MYO16: variants seen among roughly 807,000 people sequenced by gnomAD.
MYO16 encodes the protein unconventional myosin-XVI.
A neutral mutation model predicts 205.3 loss-of-function variants in MYO16; 94 were observed. The ratio of observed to expected loss-of-function variants is 0.46; its 90% CI spans 0.39 to 0.54. The LOEUF (loss-of-function observed/expected upper bound fraction) is 0.54, where lower values mean the gene tolerates loss of function less well. Ranked by LOEUF, MYO16 falls within the 20% of genes least tolerant of loss-of-function variation. The probability of loss-of-function intolerance (pLI) is 0.00; values close to 1 mark genes in which losing one functional copy is unlikely to be tolerated. For synonymous variants in MYO16, 988 were observed against 954.0 expected, an observed-to-expected ratio of 1.04 and a Z score of -0.66; for missense variants, 2,315 against 2,387.5, an observed-to-expected ratio of 0.97 and a Z score of 0.63.
intron 16 of MYO16, among the ~76,000 whole-genome samples, chr13:108,954,286 G>A (rs1424098506): frequency 6.6e-6 from 1 of 152,074 alleles, no homozygotes; most frequent in Non-Finnish European, 1.5e-5. Flanking sequence ...AATGAAAACA[G>A]GAGCCAATTG....
chr13:108,510,146 T>C, the MYO16 span, among the ~76,000 whole-genome samples: 1 of 152,202 alleles, frequency 6.6e-6, no homozygotes. Context: ...AGACAGAGTC[T>C]CGCCCTGTCG....
intron 34 of MYO16, among the ~76,000 whole-genome samples, chr13:109,198,755 CATAT>C (rs1464764097): frequency 6.6e-6 from 1 of 152,148 alleles, no homozygotes; most frequent in Non-Finnish European, 1.5e-5. Context: ...AAGACACCTG[CATAT>C]GTGACTCATA....
At chr13:109,082,435 A>G (rs531804015) in intron 27 of MYO16, among the ~76,000 whole-genome samples, 45 of 152,370 alleles carry the variant, frequency 3.0e-4, no homozygotes, top group South Asian at 1.0e-3. Context: ...AAATATAACA[A>G]TTATAAATAT....
chr13:108,781,459 T>C (rs994176055), intron 4 of MYO16, among the ~76,000 whole-genome samples: 1 of 152,198 alleles, frequency 6.6e-6, no homozygotes, highest in Non-Finnish European at 1.5e-5. Flanking sequence ...CTCTTACAGT[T>C]TGCTCTGTCT....
the MYO16 span, among the ~76,000 whole-genome samples, chr13:108,517,043 A>C: frequency 1.3e-5 from 2 of 152,080 alleles, no homozygotes; most frequent in Admixed American, 6.6e-5. Context: ...CGGTCCTCCC[A>C]CCTTACCTTC....
Position 108,973,680 on chromosome 13 carries a change from C to T in MYO16, c.2369+8778C>T, listed in dbSNP as rs1373425090. On this transcript the variant is annotated intron_variant, in intron 20 of 34. Transcript: ENST00000457511. ...TCAGAAAAGAGAAAAAAGAACACAT[C>T]CAGTAGGATGTAAATTAAAGGTGAT... is the stretch of plus-strand genomic sequence containing the variant. 3.3e-5 allele frequency among the ~76,000 whole-genome samples: 5 copies of T among 152,048 alleles called. No homozygotes were observed. In the East Asian group the frequency reaches 9.6e-4, roughly 29 times the overall value.
chr13:109,158,655 C>T (rs1158405862), intron 32 of MYO16, among the ~76,000 whole-genome samples: 2 of 152,144 alleles, frequency 1.3e-5, no homozygotes, highest in Non-Finnish European at 2.9e-5. Context: ...TGGCTAGAGG[C>T]TCTATGCCTG....
chr13:108,980,968 A>G (rs1884429519), intron 20 of MYO16, among the ~76,000 whole-genome samples: 1 of 152,212 alleles, frequency 6.6e-6, no homozygotes, highest in Non-Finnish European at 1.5e-5. Flanking sequence ...CCAGAAAATG[A>G]TGGGCTAGGG....
chr13:108,869,022 G>C (rs543023821), intron 12 of MYO16, among the ~76,000 whole-genome samples: 39 of 152,104 alleles, frequency 2.6e-4, no homozygotes, highest in East Asian at 9.7e-4. Context: ...AGTTTGATTG[G>C]TCTGTTAAAA....
chr13:109,193,730 T>C (rs1051083158), intron 34 of MYO16, among the ~76,000 whole-genome samples: 1 of 152,180 alleles, frequency 6.6e-6, no homozygotes, highest in Non-Finnish European at 1.5e-5. Context: ...ATTTTGACGC[T>C]TGTTTTCCTC....
chr13:109,023,734 T>C (rs1445175126), intron 23 of MYO16, among the ~76,000 whole-genome samples: 1 of 133,784 alleles, frequency 7.5e-6, no homozygotes, highest in African/African-American at 2.7e-5. Context: ...TATATGCATA[T>C]ATACATATAT....
the MYO16 span, among the ~76,000 whole-genome samples, chr13:108,519,105 A>G: frequency 3.9e-5 from 6 of 152,230 alleles, no homozygotes; most frequent in Non-Finnish European, 8.8e-5. Context: ...GGATATTTCC[A>G]TAATTTTAAA....
chr13:109,096,243 G>C lies in MYO16; in HGVS notation c.3336-4542G>C, dbSNP rs148535664. The stretch of plus-strand genomic sequence containing the variant: ...CTCTTGCCTCTTCCTGGTCTCTGGT[G>C]GCAGCCATAGATCCTCAGTGTTCCT... On this transcript the variant is annotated intron_variant, in intron 27 of 34. Coordinates refer to ENST00000457511, the MANE Select transcript of MYO16 (RefSeq NM_001198950.3). Among the ~76,000 whole-genome samples the C allele has an allele frequency of 1.9e-3, 295 of 152,294 alleles. 2 individuals are homozygous for C. The highest frequency in any genetic ancestry group is 6.6e-3 in the African/African-American group (273 of 41,566).
chr13:108,568,610 T>TA, the MYO16 span, among the ~76,000 whole-genome samples: 1 of 152,122 alleles, frequency 6.6e-6, no homozygotes, highest in Non-Finnish European at 1.5e-5. Context: ...GCTTTGAAAA[T>TA]ATTTTCTTCC....
intron 3 of MYO16, among the ~76,000 whole-genome samples, chr13:108,726,854 A>T (rs552756398): frequency 2.6e-5 from 4 of 152,072 alleles, no homozygotes; most frequent in African/African-American, 9.7e-5. Context: ...AAAATGCAAC[A>T]TTATAAAATC....
intron 7 of MYO16, 33 bp downstream of exon 7, chr13:108,806,837 A>C: frequency 7.4e-7 from 1 of 1,357,292 alleles, no homozygotes; most frequent in Non-Finnish European, 9.7e-7. Context: ...TTAAAAAATA[A>C]TTTTATATAA....
At chr13:109,000,827 T>C (rs1187939042) in intron 21 of MYO16, among the ~76,000 whole-genome samples, 1 of 152,106 alleles carries the variant, frequency 6.6e-6, no homozygotes, top group African/African-American at 2.4e-5. Context: ...CATATTATTA[T>C]ATAAGATTTG....
At position 108,866,865 on chromosome 13, in the gene MYO16, G is replaced by A. The variant is rs1194264427; in HGVS notation, c.1425+623G>A. 3.9e-5 allele frequency among the ~76,000 whole-genome samples: 6 copies of A among 152,162 alleles called. No individual in the cohort carries two copies. The South Asian group carries it at 8.3e-4, about 21-fold the overall frequency. On this transcript the variant is annotated intron_variant, in intron 12 of 34. Transcript: ENST00000457511. ...GCTGCCTGAAACCAGGAGGCAGGGA[G>A]TGGGTATATGTTCCTGAAGCCGGGG...
At chr13:108,803,673 C>T (rs1206062798) in intron 6 of MYO16, among the ~76,000 whole-genome samples, 2 of 152,124 alleles carry the variant, frequency 1.3e-5, no homozygotes, top group Non-Finnish European at 2.9e-5. Context: ...TAGACTCAGA[C>T]TCCCAAATGT....
Sources: allele counts gnomAD v4.1 joint callset (sites outside exome capture counted in the v4.1 genomes callset), GRCh38; gene constraint gnomAD v4.1.1; transcripts MANE v1.5; gene names NCBI Gene and HGNC (gene_info 2026-07-23, HGNC 2026-07-21).